Variants in GNA12 observed in about 807,000 individuals in gnomAD.
The protein encoded by GNA12 is G protein subunit alpha 12, also known as guanine nucleotide-binding protein subunit alpha-12.
A neutral mutation model predicts 26.0 loss-of-function variants in GNA12; 9 were observed. That is an observed-to-expected ratio of 0.35 (90% CI 0.21 to 0.60). The LOEUF is 0.60. GNA12 is among the 20% of genes least tolerant of loss of function. The pLI, the probability that GNA12 is intolerant of heterozygous loss-of-function variation, is 0.78. For missense variants in GNA12, 405 were observed against 525.8 expected, an observed-to-expected ratio of 0.77 and a Z score of 2.25; for synonymous variants, 264 against 219.6, an observed-to-expected ratio of 1.20 and a Z score of -1.79.
Position 2,731,300 on chromosome 7 carries a change from T to C in GNA12, c.1027A>G (p.Ser343Gly), listed in dbSNP as rs1394982808. Residue 343 changes from serine (S) to glycine (G), a missense_variant, in exon 4 of 4, where the codon AGC (serine) becomes GGC (glycine). Physicochemically the swap from Ser to Gly is moderately conservative, Grantham distance 56. Transcript: ENST00000275364. The surrounding 1 kb of genome is among the most constrained non-coding windows in gnomAD (Gnocchi z 6.0). ...QCFDRKRRNR[S>G]KPLFHHFTTA... Reference sequence around the variant, plus strand: ...GTGAAGTGGTGGAAGAGTGGCTTGCTGCGGTTCCGTCTCTTCCTGTCGAAG... The same window carrying C: ...GTGAAGTGGTGGAAGAGTGGCTTGCCGCGGTTCCGTCTCTTCCTGTCGAAG... 6.2e-7 allele frequency: 1 copy of C among 1,613,822 alleles called. No individual in the cohort carries two copies.
At chr7:2,839,519 G>T (rs1212610889) in intron 1 of GNA12, among the ~76,000 whole-genome samples, 4 of 152,126 alleles carry the variant, frequency 2.6e-5, no homozygotes, top group African/African-American at 9.7e-5. Context: ...GAGTAGCTGG[G>T]ATTACAGGCA....
chr7:2,754,754 G>C (rs537061280), intron 2 of GNA12, among the ~76,000 whole-genome samples: 107 of 152,178 alleles, frequency 7.0e-4, no homozygotes, highest in African/African-American at 2.5e-3. Context: ...GCCTCAAAAG[G>C]AGGACTTTTG....
At chr7:2,744,218 C>A (rs1376926003) in intron 2 of GNA12, among the ~76,000 whole-genome samples, 1 of 152,236 alleles carries the variant, frequency 6.6e-6, no homozygotes, top group Non-Finnish European at 1.5e-5. Context: ...GGGCAGACTG[C>A]CTCCTCAAGT....
In GNA12 at chr7:2,737,971, C is replaced by G. The variant is rs369518193; in HGVS notation, c.526-4470G>C. 2.0e-3 allele frequency among the ~76,000 whole-genome samples: 298 copies of G among 152,272 alleles called. 3 individuals are homozygous for G. Among genetic ancestry groups the G allele is most frequent in the African/African-American group, 7.0e-3 (289 of 41,546 alleles). On this transcript the variant is annotated intron_variant, in intron 2 of 3. Coordinates refer to ENST00000275364, the MANE Select transcript of GNA12 (RefSeq NM_007353.3). ...TTTGCTCAGTGAACGCCTGTGACAT[C>G]TCACAGGGCTGGCGTGAGATTAAAT...
At chr7:2,779,285 T>G (rs1040135322) in intron 2 of GNA12, among the ~76,000 whole-genome samples, 3 of 151,960 alleles carry the variant, frequency 2.0e-5, no homozygotes, top group African/African-American at 7.3e-5. Context: ...GAGGCAGAGG[T>G]TGCAGTGAAA....
At chr7:2,733,616 A>G in intron 2 of GNA12, 115 bp from the exon 3 acceptor site, 1 of 757,752 alleles carries the variant, frequency 1.3e-6, no homozygotes. Context: ...GTGAATGGGA[A>G]AGCAAAGGAA....
intron 1 of GNA12, among the ~76,000 whole-genome samples, chr7:2,801,186 G>A (rs1049655502): frequency 6.6e-6 from 1 of 152,166 alleles, no homozygotes; most frequent in African/African-American, 2.4e-5. Flanking sequence ...CGCTATCCGG[G>A]AAGGCCCTGC....
intron 1 of GNA12, among the ~76,000 whole-genome samples, chr7:2,825,910 A>G (rs1337101050): frequency 6.6e-6 from 1 of 152,074 alleles, no homozygotes; most frequent in African/African-American, 2.4e-5. Context: ...CACACCATAT[A>G]TCATTAGGGC....
At chr7:2,829,514 G>A (rs890184856) in intron 1 of GNA12, among the ~76,000 whole-genome samples, 4 of 152,180 alleles carry the variant, frequency 2.6e-5, no homozygotes, top group Non-Finnish European at 5.9e-5. Flanking sequence ...TGACGATGCT[G>A]AGTTTTCAAT....
chr7:2,763,743 C>A (rs766792419), intron 2 of GNA12, among the ~76,000 whole-genome samples: 29 of 152,314 alleles, frequency 1.9e-4, no homozygotes, highest in South Asian at 1.0e-3. Flanking sequence ...CTTCCCTGCA[C>A]AAAATGCCTC....
chr7:2,826,858 T>C (rs1051401079), intron 1 of GNA12, among the ~76,000 whole-genome samples: 8 of 152,180 alleles, frequency 5.3e-5, no homozygotes, highest in Non-Finnish European at 1.2e-4. Flanking sequence ...AATGATGCCA[T>C]AACGGTGGAG....
chr7:2,812,952 T>G (rs1294081066), intron 1 of GNA12, among the ~76,000 whole-genome samples: 1 of 152,078 alleles, frequency 6.6e-6, no homozygotes, highest in Non-Finnish European at 1.5e-5. Context: ...TAAAAAAAAT[T>G]TTATGTTTAG....
At chr7:2,737,269 G>GTATTTTTTT (rs1939449465) in intron 2 of GNA12, among the ~76,000 whole-genome samples, 1 of 38,112 alleles carries the variant, frequency 2.6e-5, no homozygotes, top group African/African-American at 9.4e-5. Flanking sequence ...TCACAGTTTT[G>GTATTTTTTT]TTTTGTTTTT....
rs1284156484 is a variant in GNA12, at chr7:2,812,589, A to G, written c.310-17446T>C. On this transcript the variant is annotated intron_variant, in intron 1 of 3. Transcript: ENST00000275364. Reference sequence around the variant, plus strand: ...GGTTGCAGTGAGACAAGATTGTGCCACTGCATTCCAGCCTGGGCAACAAGA... The same window carrying G: ...GGTTGCAGTGAGACAAGATTGTGCCGCTGCATTCCAGCCTGGGCAACAAGA... Among the ~76,000 whole-genome samples, 4 of 151,586 alleles carry G rather than the reference A, an allele frequency of 2.6e-5. No homozygotes were observed. The East Asian group carries it at 7.7e-4, about 29-fold the overall frequency.
Position 2,729,173 on chromosome 7 carries a change from C to T in GNA12, c.*2008G>A, listed in dbSNP as rs1418614219. The stretch of plus-strand genomic sequence containing the variant: ...AGGCTCTCCCCGTTGGCGGAGGACC[C>T]GCTTGCACTTCCTCTGGGCTCTGGA... On this transcript the variant is annotated 3_prime_UTR_variant, in exon 4 of 4. Transcript: ENST00000275364. The T allele has an allele frequency of 2.0e-5, 3 of 152,408 alleles. No homozygotes were observed. Among genetic ancestry groups the T allele is most frequent in the Non-Finnish European group, 2.9e-5 (2 of 68,056 alleles). The allele number at this position is 152,408 out of a possible 1,614,324, so 9.4% of individuals were successfully genotyped here.
chr7:2,781,121 A>G (rs768098311), intron 2 of GNA12, among the ~76,000 whole-genome samples: 4 of 152,186 alleles, frequency 2.6e-5, no homozygotes, highest in Non-Finnish European at 5.9e-5. Context: ...TGAATTGCCT[A>G]TTTCTGGATA....
intron 1 of GNA12, among the ~76,000 whole-genome samples, chr7:2,830,497 G>A (rs959517206): frequency 3.3e-5 from 5 of 152,222 alleles, no homozygotes; most frequent in East Asian, 1.9e-4. Context: ...CCTGTGGGGA[G>A]GGCGGCTCCC....
chr7:2,834,066 C>T (rs533335662), intron 1 of GNA12, among the ~76,000 whole-genome samples: 1 of 152,256 alleles, frequency 6.6e-6, no homozygotes, highest in Non-Finnish European at 1.5e-5. Flanking sequence ...TGAAACCCTA[C>T]ACAGATACAT....
At position 2,837,344 on chromosome 7, in the gene GNA12, G is replaced by A. The variant is rs944400475; in HGVS notation, c.309+6509C>T. ...CAAGGCCACAGGGTCTCAGAGACCC[G>A]GAGGTCATTAACAAAAGTGCTAACA... On this transcript the variant is annotated intron_variant, in intron 1 of 3. Transcript: ENST00000275364. Among the ~76,000 whole-genome samples the A allele has an allele frequency of 5.3e-5, 8 of 152,162 alleles. No individual in the cohort carries two copies. The South Asian group carries it at 6.2e-4, about 12-fold the overall frequency.
Sources: allele counts gnomAD v4.1 joint callset (sites outside exome capture counted in the v4.1 genomes callset), GRCh38; gene constraint gnomAD v4.1.1; non-coding constraint Gnocchi (gnomAD v3.1); transcripts MANE v1.5; gene names NCBI Gene and HGNC (gene_info 2026-07-23, HGNC 2026-07-21).